Variants in TBL1XR1 observed in about 807,000 individuals in gnomAD.
The protein encoded by TBL1XR1 is F-box-like/WD repeat-containing protein TBL1XR1.
Under a neutral mutation model 66.9 loss-of-function variants are expected in TBL1XR1, and 5 were observed. The observed-to-expected ratio is 0.07, with a 90% CI of 0.04 to 0.16. TBL1XR1 has a LOEUF of 0.16. TBL1XR1 is among the 10% of genes least tolerant of loss of function. The pLI, the probability that TBL1XR1 is intolerant of heterozygous loss-of-function variation, is 1.00. For synonymous variants in TBL1XR1, 210 were observed against 206.0 expected, an observed-to-expected ratio of 1.02 and a Z score of -0.17; for missense variants, 238 against 623.2, an observed-to-expected ratio of 0.38 and a Z score of 6.58.
chr3:177,195,017 TTTA>T (rs1230526988), intron 1 of TBL1XR1, among the ~76,000 whole-genome samples: 1 of 152,158 alleles, frequency 6.6e-6, no homozygotes, highest in Admixed American at 6.5e-5. Context: ...AACATGTCAC[TTTA>T]TTAAGTTCCT....
At chr3:177,130,001 T>C (rs1480509279) in intron 1 of TBL1XR1, among the ~76,000 whole-genome samples, 2 of 151,812 alleles carry the variant, frequency 1.3e-5, no homozygotes, top group Non-Finnish European at 2.9e-5. Flanking sequence ...AACAATTAGC[T>C]GGGCGTAGTG....
intron 1 of TBL1XR1, among the ~76,000 whole-genome samples, chr3:177,189,747 A>C (rs1735898897): frequency 6.6e-6 from 1 of 152,094 alleles, no homozygotes; most frequent in South Asian, 2.1e-4. Context: ...TCTTACCATA[A>C]AAATTTACTG....
At chr3:177,168,880 A>G (rs1056140385) in intron 1 of TBL1XR1, among the ~76,000 whole-genome samples, 2 of 152,216 alleles carry the variant, frequency 1.3e-5, no homozygotes, top group Admixed American at 6.5e-5. Context: ...ATGGTTTTCC[A>G]TAATAGGAAA....
At chr3:177,106,299 A>T (rs530345046) in intron 1 of TBL1XR1, among the ~76,000 whole-genome samples, 31 of 152,288 alleles carry the variant, frequency 2.0e-4, no homozygotes, top group African/African-American at 7.5e-4. Context: ...AATCAATGAC[A>T]ATGTTCAAAC....
chr3:177,052,619 C>T (rs1283507475), intron 4 of TBL1XR1, among the ~76,000 whole-genome samples: 2 of 152,118 alleles, frequency 1.3e-5, no homozygotes, highest in African/African-American at 2.4e-5. Flanking sequence ...TTTAGTTTTG[C>T]GTTACTGGAT....
intron 1 of TBL1XR1, among the ~76,000 whole-genome samples, chr3:177,104,067 G>A (rs1472712550): frequency 1.3e-5 from 2 of 148,648 alleles, no homozygotes; most frequent in Non-Finnish European, 3.0e-5. Flanking sequence ...AGTGAGCTGA[G>A]ATCACATCAC....
intron 1 of TBL1XR1, among the ~76,000 whole-genome samples, chr3:177,170,793 C>T (rs914670645): frequency 7.2e-5 from 11 of 151,902 alleles, no homozygotes; most frequent in South Asian, 2.1e-4. Flanking sequence ...TTTGTTGAGA[C>T]GAGGTCTCGC....
chr3:177,144,057 C>G (rs1378793053), intron 1 of TBL1XR1, among the ~76,000 whole-genome samples: 4 of 151,856 alleles, frequency 2.6e-5, no homozygotes, highest in Non-Finnish European at 4.4e-5. Context: ...ACCAGCCTGA[C>G]CAACATGGAG....
intron 1 of TBL1XR1, among the ~76,000 whole-genome samples, chr3:177,116,491 A>T (rs1393646028): frequency 2.0e-5 from 3 of 152,180 alleles, no homozygotes; most frequent in Admixed American, 6.5e-5. Flanking sequence ...TCCTCTGGCT[A>T]AATTTTAGAT....
In TBL1XR1 at chr3:177,100,997, C is replaced by T. The variant is rs115033921; in HGVS notation, c.-121-2456G>A. Among the ~76,000 whole-genome samples the T allele has an allele frequency of 4.2e-3, 633 of 151,980 alleles. 6 individuals are homozygous for T. Among genetic ancestry groups the T allele is most frequent in the African/African-American group, 0.014 (590 of 41,468 alleles). On this transcript the variant is annotated intron_variant, in intron 1 of 15. Transcript: ENST00000457928. ...CAGCCTCCCGAGTAACTGGGACTAC[C>T]GGCACGCGCCACTACACCTGGCTAA...
chr3:177,185,806 C>A (rs1269826745), intron 1 of TBL1XR1, among the ~76,000 whole-genome samples: 1 of 151,972 alleles, frequency 6.6e-6, no homozygotes, highest in Non-Finnish European at 1.5e-5. Flanking sequence ...GAATTCGAGA[C>A]CAGCCTGAGC....
intron 1 of TBL1XR1, among the ~76,000 whole-genome samples, chr3:177,153,237 C>T (rs1233512739): frequency 6.6e-6 from 1 of 152,142 alleles, no homozygotes; most frequent in African/African-American, 2.4e-5. Flanking sequence ...AACAAAGACT[C>T]TACCAAACTA....
At chr3:177,120,879 T>A (rs1003486552) in intron 1 of TBL1XR1, 3 of 152,190 alleles carry the variant, frequency 2.0e-5, no homozygotes, top group African/African-American at 7.2e-5. Flanking sequence ...TCCTAACAAC[T>A]TGAAAAGACA....
intron 1 of TBL1XR1, among the ~76,000 whole-genome samples, chr3:177,154,681 C>T (rs1286979717): frequency 6.6e-6 from 1 of 152,116 alleles, no homozygotes; most frequent in Admixed American, 6.6e-5. Flanking sequence ...AGGCATGAGC[C>T]ACCGCGCCCG....
intron 12 of TBL1XR1, among the ~76,000 whole-genome samples, chr3:177,036,113 A>G (rs1341303544): frequency 6.6e-6 from 1 of 152,232 alleles, no homozygotes; most frequent in Non-Finnish European, 1.5e-5. Flanking sequence ...GGCCGCGTTC[A>G]GCCAGATCTA....
chr3:177,127,913 G>A (rs986993889), intron 1 of TBL1XR1, among the ~76,000 whole-genome samples: 6 of 152,054 alleles, frequency 3.9e-5, no homozygotes, highest in South Asian at 2.1e-4. Context: ...AGTTATCAAC[G>A]TATAATCAAA....
At chr3:177,087,238 TTAAAC>T (rs1258949415) in intron 2 of TBL1XR1, among the ~76,000 whole-genome samples, 2 of 150,868 alleles carry the variant, frequency 1.3e-5, no homozygotes, top group African/African-American at 2.5e-5. Context: ...AAAAAAAAAA[TTAAAC>T]TAATCAAAAT....
chr3:177,141,979 A>G (rs1380553098), intron 1 of TBL1XR1, among the ~76,000 whole-genome samples: 4 of 152,236 alleles, frequency 2.6e-5, no homozygotes, highest in Non-Finnish European at 4.4e-5. Flanking sequence ...TTCCACTTAC[A>G]TAAGGTACCT....
chr3:177,042,855 AAAGAG>A (rs1715779912), intron 10 of TBL1XR1, among the ~76,000 whole-genome samples: 1 of 152,104 alleles, frequency 6.6e-6, no homozygotes, highest in African/African-American at 2.4e-5. Flanking sequence ...CATAATTTTA[AAAGAG>A]AAGGAATGAA....
Sources: allele counts gnomAD v4.1 joint callset (sites outside exome capture counted in the v4.1 genomes callset), GRCh38; gene constraint gnomAD v4.1.1; transcripts MANE v1.5; gene names NCBI Gene and HGNC (gene_info 2026-07-23, HGNC 2026-07-21).